SPEF2: variants seen among roughly 807,000 people sequenced by gnomAD.
SPEF2 encodes sperm flagella and cilia-associated protein 2.
A neutral mutation model predicts 224.6 loss-of-function variants in SPEF2; 187 were observed. The ratio of observed to expected loss-of-function variants is 0.83; its 90% CI spans 0.74 to 0.94. The LOEUF (loss-of-function observed/expected upper bound fraction) is 0.94, where lower values mean the gene tolerates loss of function less well. SPEF2 is among the 40% of genes least tolerant of loss of function. SPEF2 has a pLI of 0.00. For missense variants in SPEF2, 2,170 were observed against 2,135.6 expected (o/e 1.02, Z -0.32); for synonymous variants, 715 against 707.3 (o/e 1.01, Z -0.17).
At chr5:35,779,392 A>G (rs1259053449) in intron 30 of SPEF2, 46 bp downstream of exon 30, 2 of 1,450,202 alleles carry the variant, frequency 1.4e-6, no homozygotes, top group East Asian at 2.3e-5. Flanking sequence ...AAAGGTTAAG[A>G]TTAACCAGGA....
chr5:35,760,080 C>T (rs72738870), intron 25 of SPEF2, among the ~76,000 whole-genome samples: 41,588 of 151,946 alleles, frequency 0.27, 5,869 homozygotes, highest in African/African-American at 0.33. Flanking sequence ...TATGAACCTC[C>T]GCCAGGCGCG....
chr5:35,725,886 A>G (rs999029648), intron 20 of SPEF2, among the ~76,000 whole-genome samples: 5 of 152,276 alleles, frequency 3.3e-5, no homozygotes, highest in Admixed American at 2.6e-4. Flanking sequence ...TACCTTCACC[A>G]TATGCTAATC....
At chr5:35,736,160 G>T (rs950275525) in intron 21 of SPEF2, among the ~76,000 whole-genome samples, 1 of 151,960 alleles carries the variant, frequency 6.6e-6, no homozygotes, top group Middle Eastern at 3.2e-3. Context: ...AGGAAATGAG[G>T]GTCCCAAGAG....
chr5:35,691,343 C>A, intron 11 of SPEF2, 87 bp downstream of exon 11: 1 of 1,022,754 alleles, frequency 9.8e-7, no homozygotes, highest in Non-Finnish European at 1.5e-6. Context: ...AAAAAACATA[C>A]AAGAAGCACT....
At chr5:35,657,329 G>A (rs963253956) in intron 7 of SPEF2, among the ~76,000 whole-genome samples, 4 of 152,072 alleles carry the variant, frequency 2.6e-5, no homozygotes, top group Admixed American at 6.6e-5. Flanking sequence ...TGATAAATAC[G>A]TGGAATTATG....
At chr5:35,712,172 G>C (rs1220537696) in intron 19 of SPEF2, among the ~76,000 whole-genome samples, 1 of 152,106 alleles carries the variant, frequency 6.6e-6, no homozygotes, top group East Asian at 1.9e-4. Flanking sequence ...AGAAGTTCAA[G>C]GGTGCAACAT....
rs552883814 is a variant in SPEF2, at chr5:35,641,634, G to A, written c.365G>A (p.Arg122His). 4.2e-5 allele frequency: 68 copies of A among 1,613,536 alleles called. No individual in the cohort carries two copies. The highest frequency in any genetic ancestry group is 3.0e-4 in the South Asian group (27 of 91,042). Residue 122 changes from arginine (R) to histidine (H), a missense_variant, in exon 3 of 37, where the codon CGT (arginine) becomes CAT (histidine). Physicochemically the swap from Arg to His is conservative, Grantham distance 29. Coordinates refer to ENST00000356031, the MANE Select transcript of SPEF2 (RefSeq NM_024867.4). ...GGAGTGGAGATGCAAACCATGCAAC[G>A]TCTGACAAATTTAAGACTTCAAAAC... ...LTGVEMQTMQ[R>H]LTNLRLQNMK...
At chr5:35,763,130 G>A (rs1321560766) in intron 25 of SPEF2, among the ~76,000 whole-genome samples, 3 of 152,174 alleles carry the variant, frequency 2.0e-5, no homozygotes, top group African/African-American at 7.2e-5. Flanking sequence ...CCTTAGAGAA[G>A]TGATGCCCAG....
intron 34 of SPEF2, among the ~76,000 whole-genome samples, chr5:35,803,707 G>A (rs543299879): frequency 6.6e-6 from 1 of 152,300 alleles, no homozygotes; most frequent in African/African-American, 2.4e-5. Context: ...CCCTGTCCCA[G>A]GAAGCCATAA....
In SPEF2 at chr5:35,617,873, G is replaced by C. The variant is rs372431878; in HGVS notation, c.-125G>C. On this transcript the variant is annotated 5_prime_UTR_variant, in exon 1 of 37. Transcript: ENST00000356031. ...CCTCTTCTCTAAGGCCTTTCGCCTAGTTCCAGCCTGGATACGCTTCCATAG... is the reference window on the plus strand; with the variant it reads ...CCTCTTCTCTAAGGCCTTTCGCCTACTTCCAGCCTGGATACGCTTCCATAG... The C allele has an allele frequency of 4.3e-6, 4 of 930,562 alleles. No individual in the cohort carries two copies. The highest frequency in any genetic ancestry group is 2.9e-5 in the South Asian group (2 of 69,028). The allele number at this position is 930,562 out of a possible 1,614,324, so 57.6% of individuals were successfully genotyped here.
At chr5:35,749,669 G>GAAAACTGCTGAAAAACTAC (rs1749099646) in intron 23 of SPEF2, among the ~76,000 whole-genome samples, 2 of 151,776 alleles carry the variant, frequency 1.3e-5, no homozygotes, top group Non-Finnish European at 2.9e-5. Context: ...CCTCTACAAG[G>GAAAACTGCTGAAAAACTAC]AAAACTACAA....
At position 35,733,049 on chromosome 5, in the gene SPEF2, T is replaced by C. The variant is rs111415275; in HGVS notation, c.3063+5226T>C. ...GGCATCCCCTGTGGGTCTGGGAACA[T>C]ATCCCCCCCTGACAAATGGAATTTC... On this transcript the variant is annotated intron_variant, in intron 21 of 36. Coordinates refer to ENST00000356031, the MANE Select transcript of SPEF2 (RefSeq NM_024867.4). Among the ~76,000 whole-genome samples, 456 of 152,298 alleles carry C rather than the reference T, an allele frequency of 3.0e-3. 1 individual carries two copies. Among genetic ancestry groups the C allele is most frequent in the Admixed American group, 5.5e-3 (84 of 15,296 alleles).
intron 30 of SPEF2, chr5:35,788,329 G>A (rs1755466638): frequency 1.4e-6 from 1 of 702,984 alleles, no homozygotes; most frequent in Non-Finnish European, 2.6e-6. Flanking sequence ...TAGATGATAT[G>A]AAAGGTGTTG....
intron 24 of SPEF2, among the ~76,000 whole-genome samples, chr5:35,758,098 A>T (rs1750707089): frequency 6.6e-6 from 1 of 152,220 alleles, no homozygotes; most frequent in African/African-American, 2.4e-5. Flanking sequence ...CAGTAAGAGA[A>T]TATTTCTTGA....
At position 35,617,932 on chromosome 5, in the gene SPEF2, G is replaced by T. The variant is rs529635822; in HGVS notation, c.-66G>T. ...TGCCCTTGGCTACAGGAGGACGCGG[G>T]CTGGCAGGCTTGGTTCCTGGCGAGT... On this transcript the variant is annotated 5_prime_UTR_variant, in exon 1 of 37. Coordinates refer to ENST00000356031, the MANE Select transcript of SPEF2 (RefSeq NM_024867.4). The T allele has an allele frequency of 1.3e-6, 2 of 1,498,878 alleles. No individual in the cohort carries two copies. Among genetic ancestry groups the T allele is most frequent in the Non-Finnish European group, 1.8e-6 (2 of 1,098,474 alleles). The allele number at this position is 1,498,878 out of a possible 1,614,324, so 92.8% of individuals were successfully genotyped here. A position where few individuals can be genotyped will look rare whatever the true frequency, so the allele number is the denominator to read the frequency against.
chr5:35,622,806 T>C (rs10512625), intron 1 of SPEF2, among the ~76,000 whole-genome samples: 17,675 of 152,224 alleles, frequency 0.12, 1,408 homozygotes, highest in African/African-American at 0.22. Context: ...ATTGTGTAAA[T>C]CGAAGCAAAA....
At chr5:35,680,537 C>T (rs546464186) in intron 10 of SPEF2, among the ~76,000 whole-genome samples, 4 of 152,228 alleles carry the variant, frequency 2.6e-5, no homozygotes, top group African/African-American at 9.6e-5. Context: ...AGATATTTAT[C>T]GAGTGCCTAC....
rs954012347 is a variant in SPEF2 at position 35,785,164 on chromosome 5, G to A, written c.4447+5818G>A. ...GTTATTGACAGAATTATCACAGCAA[G>A]TGGCAAAATATAGGGATTACAGCAA... is the stretch of plus-strand genomic sequence containing the variant. On this transcript the variant is annotated intron_variant, in intron 30 of 36. Transcript: ENST00000356031. 2.6e-5 allele frequency among the ~76,000 whole-genome samples: 4 copies of A among 152,206 alleles called. No homozygotes were observed. The East Asian group carries it at 7.7e-4, about 29-fold the overall frequency.
chr5:35,667,431 T>C (rs1750636791), intron 9 of SPEF2, among the ~76,000 whole-genome samples, 172 bp downstream of exon 9: 1 of 152,162 alleles, frequency 6.6e-6, no homozygotes, highest in Non-Finnish European at 1.5e-5. Context: ...TCACTGACTA[T>C]TTTTATTTAA....
Sources: gnomAD v4.1 joint callset for allele counts (sites outside exome capture counted in the v4.1 genomes callset) on GRCh38, gnomAD v4.1.1 for gene constraint, MANE v1.5 for transcripts, NCBI Gene and HGNC (gene_info 2026-07-23, HGNC 2026-07-21) for gene names.